The following FGF13 variants were observed in gnomAD, a reference collection of about 807,000 sequenced individuals.
FGF13 encodes fibroblast growth factor 13.
In FGF13, 2 loss-of-function variants were observed where a neutral mutation model predicts 19.5. That is an observed-to-expected ratio of 0.10 (90% CI 0.04 to 0.32). The LOEUF (loss-of-function observed/expected upper bound fraction) is 0.32, where lower values mean the gene tolerates loss of function less well. Among genes scored for constraint, FGF13 ranks in the 10% least tolerant of loss-of-function variants. The pLI is 1.00. For synonymous variants in FGF13, 72 were observed against 76.9 expected (o/e 0.94, Z 0.33); for missense variants, 113 against 192.7 (o/e 0.59, Z 2.45).
chrX:138,776,741 A>G (rs1162012220), intron 3 of FGF13, among the ~76,000 whole-genome samples: 1 of 111,554 alleles, frequency 9.0e-6, no homozygotes, highest in Non-Finnish European at 1.9e-5. Context: ...TTATATCCTC[A>G]TCTGTGTTCT....
intron 1 of FGF13, among the ~76,000 whole-genome samples, chrX:138,710,143 G>A (rs1463498977): frequency 1.8e-5 from 2 of 110,728 alleles, no homozygotes; most frequent in African/African-American, 6.6e-5. Flanking sequence ...CACAGTCTGG[G>A]TATGAGCTTA....
At chrX:138,777,318 T>C (rs2090595464) in intron 3 of FGF13, among the ~76,000 whole-genome samples, 1 of 111,567 alleles carries the variant, frequency 9.0e-6, no homozygotes, top group African/African-American at 3.3e-5. Context: ...GCAATGGGTA[T>C]CCTGCCCCAA....
intron 1 of FGF13, among the ~76,000 whole-genome samples, chrX:138,999,458 AAG>A (rs1175730437): frequency 9.0e-6 from 1 of 111,603 alleles, no homozygotes; most frequent in African/African-American, 3.3e-5. Context: ...TAAAGAAGAA[AAG>A]AGAGAAGAAT....
chrX:138,951,986 A>C (rs1310429483), intron 1 of FGF13, among the ~76,000 whole-genome samples: 1 of 111,874 alleles, frequency 8.9e-6, no homozygotes, highest in Non-Finnish European at 1.9e-5. Flanking sequence ...CAATATTGTG[A>C]AAATGGCCAT....
At chrX:139,127,817 G>A in intron 1 of FGF13, among the ~76,000 whole-genome samples, 1 of 111,442 alleles carries the variant, frequency 9.0e-6, no homozygotes. Context: ...CAAGGGTTAA[G>A]AGTATACTTA....
At position 138,762,130 on chromosome X, in the gene FGF13, T is replaced by C. The variant is rs531263467; in HGVS notation, c.218-53202A>G. Among the ~76,000 whole-genome samples, 262 of 110,890 alleles carry C rather than the reference T, an allele frequency of 2.4e-3. 1 individual carries two copies. Among genetic ancestry groups the C allele is most frequent in the Middle Eastern group, 9.4e-3 (2 of 213 alleles). Reference sequence around the variant, plus strand: ...ATGTTTAAATTTAACTAGCTGCCTGTGGCAGGTGCCTATCTTATTGGCTAA... The same window carrying C: ...ATGTTTAAATTTAACTAGCTGCCTGCGGCAGGTGCCTATCTTATTGGCTAA... On this transcript the variant is annotated intron_variant, in intron 3 of 6. Transcript: ENST00000436198.
intron 1 of FGF13, among the ~76,000 whole-genome samples, chrX:138,911,231 A>T (rs2091585913): frequency 8.9e-6 from 1 of 111,812 alleles, no homozygotes; most frequent in African/African-American, 3.3e-5. Flanking sequence ...CCATTGTTCC[A>T]GCTTTTTTCT....
intron 1 of FGF13, among the ~76,000 whole-genome samples, chrX:138,734,924 T>C (rs1475078519): frequency 9.0e-6 from 1 of 111,204 alleles, no homozygotes; most frequent in Non-Finnish European, 1.9e-5. Context: ...TAGGAGGCAA[T>C]TGGATTGGCT....
chrX:139,061,021 T>C (rs1428801499), intron 1 of FGF13, among the ~76,000 whole-genome samples: 1 of 111,608 alleles, frequency 9.0e-6, no homozygotes, highest in Non-Finnish European at 1.9e-5. Context: ...AGTTTCATAT[T>C]CTTTAGTAAT....
In FGF13 at chrX:138,900,110, C is replaced by A. The variant is rs147725328; in HGVS notation, c.-112-35460G>T. Among the ~76,000 whole-genome samples the A allele has an allele frequency of 0.013, 1,477 of 111,101 alleles. 80 individuals carry two copies. The East Asian group carries it at 0.22, about 17-fold the overall frequency. ...CCAGGCCTGGTAAGTCAGTCAGGTT[C>A]TTTTTACTAATTGAAAATGTAATGT... On this transcript the variant is annotated intron_variant, in intron 1 of 2. Coordinates refer to the FGF13 transcript ENST00000421460.
intron 3 of FGF13, among the ~76,000 whole-genome samples, chrX:138,683,379 T>G (rs1372989982): frequency 1.8e-5 from 2 of 108,499 alleles, no homozygotes; most frequent in Non-Finnish European, 3.8e-5. Flanking sequence ...CTAAACAAAC[T>G]AACACACACA....
intron 1 of FGF13, among the ~76,000 whole-genome samples, chrX:139,122,769 G>A (rs954961142): frequency 1.8e-5 from 2 of 111,110 alleles, no homozygotes; most frequent in Non-Finnish European, 3.8e-5. Flanking sequence ...CAAACTTTTT[G>A]GGACCATTCT....
At chrX:138,922,461 G>C in intron 1 of FGF13, among the ~76,000 whole-genome samples, 1 of 111,432 alleles carries the variant, frequency 9.0e-6, no homozygotes, top group Non-Finnish European at 1.9e-5. Flanking sequence ...TACTGGATGA[G>C]CTTATCCATT....
intron 3 of FGF13, among the ~76,000 whole-genome samples, chrX:138,785,666 C>T (rs959444496): frequency 8.9e-6 from 1 of 111,942 alleles, no homozygotes; most frequent in African/African-American, 3.2e-5. Context: ...ATTTCTATGC[C>T]ACTGGTCTTT....
intron 1 of FGF13, among the ~76,000 whole-genome samples, chrX:139,016,167 C>T (rs2092151861): frequency 9.0e-6 from 1 of 111,557 alleles, no homozygotes; most frequent in Admixed American, 9.5e-5. Context: ...TCACTTCTGC[C>T]AATTTTTTTC....
chrX:138,634,941 A>T (rs1280455917), intron 4 of FGF13, among the ~76,000 whole-genome samples: 13 of 112,359 alleles, frequency 1.2e-4, no homozygotes, highest in African/African-American at 4.2e-4. Flanking sequence ...ACAACTGCAC[A>T]GGTATGTTTA....
intron 1 of FGF13, among the ~76,000 whole-genome samples, chrX:139,057,426 T>C (rs183752167): frequency 2.6e-4 from 29 of 111,509 alleles, no homozygotes; most frequent in Admixed American, 2.6e-3. Context: ...ACATTACTAA[T>C]ACAAATTTAA....
At chrX:139,165,168 G>A (rs1206126395) in intron 1 of FGF13, among the ~76,000 whole-genome samples, 3 of 112,173 alleles carry the variant, frequency 2.7e-5, no homozygotes, top group African/African-American at 9.7e-5. Flanking sequence ...CAGTTGCAAC[G>A]AACTTGGCAG....
intron 3 of FGF13, among the ~76,000 whole-genome samples, chrX:138,842,021 A>T (rs1304763213): frequency 8.9e-6 from 1 of 112,189 alleles, no homozygotes; most frequent in Admixed American, 9.5e-5. Context: ...TCAATGTTGA[A>T]CTAGATATGA....
Sources: gnomAD v4.1 joint callset for allele counts (sites outside exome capture counted in the v4.1 genomes callset) on GRCh38, gnomAD v4.1.1 for gene constraint, MANE v1.5 for transcripts, NCBI Gene and HGNC (gene_info 2026-07-23, HGNC 2026-07-21) for gene names.